Variants in CELF4 observed in about 807,000 individuals in gnomAD.
CELF4 encodes the protein CUGBP Elav-like family member 4.
CELF4 carries 18 observed loss-of-function variants against 59.9 expected under a neutral mutation model. The observed-to-expected ratio is 0.30, with a 90% CI of 0.21 to 0.45. CELF4 has a LOEUF of 0.45. Ranked by LOEUF, CELF4 falls within the 20% of genes least tolerant of loss-of-function variation. The probability of loss-of-function intolerance (pLI) is 1.00; values close to 1 mark genes in which losing one functional copy is unlikely to be tolerated. For missense variants in CELF4, 456 were observed against 689.0 expected, an observed-to-expected ratio of 0.66 and a Z score of 3.79; for synonymous variants, 261 against 267.1, an observed-to-expected ratio of 0.98 and a Z score of 0.22.
intron 2 of CELF4, among the ~76,000 whole-genome samples, chr18:37,349,703 C>T (rs140973386): frequency 1.3e-5 from 2 of 152,268 alleles, no homozygotes; most frequent in Non-Finnish European, 2.9e-5. Flanking sequence ...CCCATCGGAA[C>T]CACAGAGCTG....
At chr18:37,354,090 C>A (rs2098519643) in intron 2 of CELF4, among the ~76,000 whole-genome samples, 1 of 152,030 alleles carries the variant, frequency 6.6e-6, no homozygotes, top group African/African-American at 2.4e-5. Flanking sequence ...AAGGTCAGAG[C>A]CGGAGATGTG....
chr18:37,385,673 T>C (rs2099091773), intron 2 of CELF4, among the ~76,000 whole-genome samples: 1 of 151,630 alleles, frequency 6.6e-6, no homozygotes, highest in African/African-American at 2.4e-5. Flanking sequence ...CAGCCCTCCC[T>C]GACCTCCTGT....
chr18:37,353,033 A>T (rs944157683), intron 2 of CELF4, among the ~76,000 whole-genome samples: 1 of 152,034 alleles, frequency 6.6e-6, no homozygotes, highest in African/African-American at 2.4e-5. Flanking sequence ...CATCCTGGCT[A>T]ACACGGTGAA....
At chr18:37,360,340 C>G (rs1052381363) in intron 2 of CELF4, among the ~76,000 whole-genome samples, 1 of 152,074 alleles carries the variant, frequency 6.6e-6, no homozygotes, top group Non-Finnish European at 1.5e-5. Flanking sequence ...GGGCCAGGGA[C>G]CTCCCCTGAC....
intron 2 of CELF4, among the ~76,000 whole-genome samples, chr18:37,343,341 G>A (rs1354982167): frequency 6.8e-6 from 1 of 146,378 alleles, no homozygotes; most frequent in Non-Finnish European, 1.5e-5. Context: ...GTGTGTGTGT[G>A]TGTGTGTGTG....
At chr18:37,444,950 G>T (rs1346621868) in intron 2 of CELF4, among the ~76,000 whole-genome samples, 1 of 152,184 alleles carries the variant, frequency 6.6e-6, no homozygotes, top group East Asian at 1.9e-4. Context: ...GGGCTCCTGG[G>T]CTTGCGGCCT....
chr18:37,495,727 G>T (rs1468059434), intron 1 of CELF4, among the ~76,000 whole-genome samples: 2 of 151,716 alleles, frequency 1.3e-5, no homozygotes, highest in Non-Finnish European at 2.9e-5. Context: ...GCAGAAGGAA[G>T]CTCAGAGGAC....
chr18:37,544,735 GGAA>G (rs1160072797), intron 1 of CELF4, among the ~76,000 whole-genome samples: 2 of 152,212 alleles, frequency 1.3e-5, no homozygotes, highest in Non-Finnish European at 2.9e-5. Flanking sequence ...AACAGCCTAA[GGAA>G]TCGGTTTTAT....
intron 3 of CELF4, among the ~76,000 whole-genome samples, chr18:37,321,149 T>C (rs1252421754): frequency 6.6e-6 from 1 of 152,240 alleles, no homozygotes; most frequent in East Asian, 1.9e-4. Context: ...GTGACGGAGC[T>C]GCCCCTGGCT....
At chr18:37,544,482 AG>A (rs2099979986) in intron 1 of CELF4, among the ~76,000 whole-genome samples, 2 of 152,272 alleles carry the variant, frequency 1.3e-5, no homozygotes, top group Non-Finnish European at 2.9e-5. Context: ...GGTGCTGAGC[AG>A]GGGAATGACT....
chr18:37,361,935 C>T (rs1202341113), intron 2 of CELF4, among the ~76,000 whole-genome samples: 1 of 152,088 alleles, frequency 6.6e-6, no homozygotes, highest in Non-Finnish European at 1.5e-5. Flanking sequence ...CCAAAAGAAG[C>T]TTCAGAGGGT....
rs1271328196 is a variant in CELF4 at position 37,253,913 on chromosome 18, G to A, written c.1359C>T (p.Ala453=). ...PFGFVSFDNP[A]SAQTAIQAMN... ...TGGCCTGGATGGCGGTCTGCGCGCT[G>A]GCCGGGTTGTCGAAGCTCACGAAGC... is the stretch of plus-strand genomic sequence containing the variant. Residue 453 remains alanine, a synonymous_variant, in exon 12 of 13, where the codon GCC becomes GCT. Transcript: ENST00000420428. The surrounding 1 kb of genome is among the most constrained non-coding windows in gnomAD (Gnocchi z 4.5). The A allele has an allele frequency of 6.2e-7, 1 of 1,607,602 alleles. No homozygotes were observed. Among genetic ancestry groups the A allele is most frequent in the Admixed American group, 1.7e-5 (1 of 59,710 alleles).
intron 2 of CELF4, among the ~76,000 whole-genome samples, chr18:37,391,391 C>G (rs948553552): frequency 1.3e-5 from 2 of 152,224 alleles, no homozygotes; most frequent in Non-Finnish European, 2.9e-5. Context: ...TGTCTGCTCT[C>G]TGAAGCTCTG....
intron 1 of CELF4, among the ~76,000 whole-genome samples, chr18:37,513,626 C>A (rs2099947056): frequency 6.6e-6 from 1 of 152,202 alleles, no homozygotes; most frequent in Non-Finnish European, 1.5e-5. Context: ...CCAGCTCTAC[C>A]TACTAAGCTT....
At chr18:37,472,807 T>C (rs547240944) in intron 2 of CELF4, among the ~76,000 whole-genome samples, 1 of 152,152 alleles carries the variant, frequency 6.6e-6, no homozygotes, top group African/African-American at 2.4e-5. Context: ...GAAATGAGGA[T>C]TACTCCAGGC....
At chr18:37,420,913 C>A (rs2099573972) in intron 2 of CELF4, among the ~76,000 whole-genome samples, 1 of 152,212 alleles carries the variant, frequency 6.6e-6, no homozygotes, top group Non-Finnish European at 1.5e-5. Context: ...CCATTAAGAG[C>A]CTCATGCCAT....
chr18:37,357,581 C>A (rs1296423640), intron 2 of CELF4, among the ~76,000 whole-genome samples: 1 of 152,164 alleles, frequency 6.6e-6, no homozygotes. Flanking sequence ...GGGGCACTGC[C>A]TAGTGAAGCT....
chr18:37,271,724 A>G (rs917448466), intron 7 of CELF4, among the ~76,000 whole-genome samples: 1 of 152,184 alleles, frequency 6.6e-6, no homozygotes, highest in Non-Finnish European at 1.5e-5. Flanking sequence ...AGAGGTTATT[A>G]CAGAGCCCAG....
intron 3 of CELF4, among the ~76,000 whole-genome samples, chr18:37,289,661 C>G (rs1248838239): frequency 6.6e-6 from 1 of 152,154 alleles, no homozygotes; most frequent in East Asian, 1.9e-4. Context: ...CACATCCTGT[C>G]CACTTCTCAC....
Sources: allele counts gnomAD v4.1 joint callset (sites outside exome capture counted in the v4.1 genomes callset), GRCh38; gene constraint gnomAD v4.1.1; non-coding constraint Gnocchi (gnomAD v3.1); transcripts MANE v1.5; gene names NCBI Gene and HGNC (gene_info 2026-07-23, HGNC 2026-07-21).